Variants in NEBL observed in about 807,000 individuals in gnomAD.
NEBL encodes the protein nebulette, also known as LIM and SH3 protein 2.
A neutral mutation model predicts 140.2 loss-of-function variants in NEBL; 122 were observed. The observed-to-expected ratio is 0.87, with a 90% CI of 0.75 to 1.01. The LOEUF is 1.01. Among genes scored for constraint, NEBL ranks in the 50% least tolerant of loss-of-function variants. The pLI, the probability that NEBL is intolerant of heterozygous loss-of-function variation, is 0.00. For synonymous variants in NEBL, 436 were observed against 398.9 expected, an observed-to-expected ratio of 1.09 and a Z score of -1.11; for missense variants, 1,365 against 1,231.3, an observed-to-expected ratio of 1.11 and a Z score of -1.62.
chr10:21,055,997 C>T (rs1241953463), intron 2 of NEBL, among the ~76,000 whole-genome samples: 1 of 152,142 alleles, frequency 6.6e-6, no homozygotes, highest in Non-Finnish European at 1.5e-5. Flanking sequence ...GGAGGTTCAT[C>T]CCAATGCAGA....
intron 2 of NEBL, among the ~76,000 whole-genome samples, chr10:20,892,530 G>A (rs1232013188): frequency 6.6e-6 from 1 of 152,160 alleles, no homozygotes; most frequent in Non-Finnish European, 1.5e-5. Flanking sequence ...CATTGTGTTA[G>A]AGTTTTCCTG....
chr10:20,996,385 C>T (rs886177083), intron 3 of NEBL, among the ~76,000 whole-genome samples: 6 of 152,116 alleles, frequency 3.9e-5, no homozygotes, highest in African/African-American at 1.2e-4. Context: ...TTATAGACAG[C>T]GAAGTGAAAA....
chr10:21,114,166 A>AT (rs1445306092), intron 2 of NEBL, among the ~76,000 whole-genome samples: 2 of 151,536 alleles, frequency 1.3e-5, no homozygotes, highest in African/African-American at 4.8e-5. Flanking sequence ...TTCACTTGTG[A>AT]TTTTTTCTTG....
At chr10:21,169,071 T>A (rs373705013) in intron 2 of NEBL, among the ~76,000 whole-genome samples, 712 of 36,454 alleles carry the variant, frequency 0.02, 23 homozygotes, top group African/African-American at 0.081. Context: ...AAAAAAAATA[T>A]ATATATATAT....
At chr10:20,838,735 C>T (rs1026480789) in intron 13 of NEBL, among the ~76,000 whole-genome samples, 4 of 152,122 alleles carry the variant, frequency 2.6e-5, no homozygotes, top group Non-Finnish European at 5.9e-5. Context: ...GTCAACCCAA[C>T]CTTCAGCAGC....
chr10:20,821,182 T>C (rs1203657710), intron 19 of NEBL, among the ~76,000 whole-genome samples: 1 of 152,240 alleles, frequency 6.6e-6, no homozygotes, highest in Non-Finnish European at 1.5e-5. Flanking sequence ...TGCCAATTTC[T>C]AGTGGATGTA....
intron 2 of NEBL, chr10:21,113,096 G>A: frequency 4.1e-6 from 1 of 241,600 alleles, no homozygotes; most frequent in Non-Finnish European, 7.9e-6. Context: ...ATAAGAATAA[G>A]AAGAAGGAGG....
chr10:21,143,717 TC>T (rs964415743), intron 2 of NEBL, among the ~76,000 whole-genome samples: 5 of 152,088 alleles, frequency 3.3e-5, no homozygotes, highest in African/African-American at 4.8e-5. Context: ...GATCTTAGAT[TC>T]CCTACGTGTT....
At chr10:21,128,903 G>A (rs1838966895) in intron 2 of NEBL, among the ~76,000 whole-genome samples, 1 of 152,060 alleles carries the variant, frequency 6.6e-6, no homozygotes, top group African/African-American at 2.4e-5. Context: ...GCTGTCAGTG[G>A]GCTAAGTAAG....
chr10:21,096,901 C>T (rs1378260344), intron 2 of NEBL, among the ~76,000 whole-genome samples: 1 of 151,984 alleles, frequency 6.6e-6, no homozygotes, highest in African/African-American at 2.4e-5. Context: ...TCACTCTAGA[C>T]CCAGCTATTT....
rs554832896 is a variant in NEBL, at chr10:20,992,597, C to T, written c.249+27520G>A. ...ATTTAATAGGGTCCTTGCTGACGGTCACTATGCACTTTGAGAGCCCTATCC... is the reference window on the plus strand; with the variant it reads ...ATTTAATAGGGTCCTTGCTGACGGTTACTATGCACTTTGAGAGCCCTATCC... On this transcript the variant is annotated intron_variant, in intron 3 of 6. Transcript: ENST00000417816. Among the ~76,000 whole-genome samples, 3 of 152,104 alleles carry T rather than the reference C, an allele frequency of 2.0e-5. No homozygotes were observed. The South Asian group carries it at 6.2e-4, about 32-fold the overall frequency.
chr10:20,866,879 A>G (rs1844348552), intron 7 of NEBL, among the ~76,000 whole-genome samples: 1 of 151,984 alleles, frequency 6.6e-6, no homozygotes, highest in Non-Finnish European at 1.5e-5. Context: ...TATTTCACTG[A>G]CCCCTTTTTC....
intron 3 of NEBL, among the ~76,000 whole-genome samples, chr10:21,239,832 T>A (rs370937019): frequency 2.6e-5 from 4 of 152,018 alleles, no homozygotes; most frequent in Non-Finnish European, 5.9e-5. Flanking sequence ...CTAGCTAACA[T>A]GGTGAAACCC....
intron 2 of NEBL, among the ~76,000 whole-genome samples, chr10:21,022,465 G>T (rs529934130): frequency 6.6e-6 from 1 of 152,308 alleles, no homozygotes; most frequent in East Asian, 1.9e-4. Context: ...CAGATTCGTG[G>T]TAGGAAAATG....
chr10:21,167,487 G>A (rs967102238), intron 2 of NEBL, among the ~76,000 whole-genome samples: 4 of 152,164 alleles, frequency 2.6e-5, no homozygotes, highest in African/African-American at 7.2e-5. Flanking sequence ...CTATTGCGTC[G>A]TTCCTTGGTG....
At chr10:21,001,351 CAG>C (rs1286981239) in intron 3 of NEBL, among the ~76,000 whole-genome samples, 1 of 152,126 alleles carries the variant, frequency 6.6e-6, no homozygotes, top group Non-Finnish European at 1.5e-5. Flanking sequence ...AGCTGGGAAT[CAG>C]AGAATCCAGG....
At chr10:21,180,959 A>T (rs1841377186) in intron 3 of NEBL, among the ~76,000 whole-genome samples, 2 of 152,114 alleles carry the variant, frequency 1.3e-5, no homozygotes, top group South Asian at 2.1e-4. Context: ...TATTTTTTTT[A>T]AATAAAAATT....
intron 4 of NEBL, among the ~76,000 whole-genome samples, chr10:20,939,558 T>C (rs1834722842): frequency 6.6e-6 from 1 of 152,178 alleles, no homozygotes; most frequent in African/African-American, 2.4e-5. Context: ...AACATCATAA[T>C]GACAGGATCA....
At chr10:20,965,126 A>C (rs1486454219) in intron 3 of NEBL, among the ~76,000 whole-genome samples, 1 of 152,246 alleles carries the variant, frequency 6.6e-6, no homozygotes, top group East Asian at 1.9e-4. Context: ...TCATTCAGCA[A>C]ATCTTTACTG....
Sources: allele counts gnomAD v4.1 joint callset (sites outside exome capture counted in the v4.1 genomes callset), GRCh38; gene constraint gnomAD v4.1.1; transcripts MANE v1.5; gene names NCBI Gene and HGNC (gene_info 2026-07-23, HGNC 2026-07-21).